The following TRAP1 variants were observed in gnomAD, a reference collection of about 807,000 sequenced individuals.
TRAP1 encodes TNF receptor associated protein 1, also known as heat shock protein 75 kDa, mitochondrial.
TRAP1 carries 102 observed loss-of-function variants against 89.1 expected under a neutral mutation model. That is an observed-to-expected ratio of 1.15 (90% CI 0.98 to 1.35). The LOEUF is 1.35. TRAP1 is among the 40% of genes most tolerant of loss of function. TRAP1 has a pLI of 0.00. For missense variants in TRAP1, 1,256 were observed against 945.3 expected (o/e 1.33, Z -4.31); for synonymous variants, 508 against 388.0 (o/e 1.31, Z -3.64).
At chr16:3,680,170 G>T in intron 4 of TRAP1, 1 of 198,686 alleles carries the variant, frequency 5.0e-6, no homozygotes. Flanking sequence ...AGGAGGCAGA[G>T]ACTGCAGTGA....
At chr16:3,666,764 G>A (rs1433615753) in intron 11 of TRAP1, among the ~76,000 whole-genome samples, 1 of 152,092 alleles carries the variant, frequency 6.6e-6, no homozygotes, top group African/African-American at 2.4e-5. Flanking sequence ...ACTGTAATTT[G>A]GGATTTATAC....
At chr16:3,673,083 AC>A (rs1294557604) in intron 9 of TRAP1, among the ~76,000 whole-genome samples, 1 of 152,024 alleles carries the variant, frequency 6.6e-6, no homozygotes, top group Non-Finnish European at 1.5e-5. Flanking sequence ...CCTTGCACGT[AC>A]CCCTGAACAC....
At chr16:3,664,685 G>A (rs2151243881) in intron 12 of TRAP1, 1 of 531,882 alleles carries the variant, frequency 1.9e-6, no homozygotes, top group Non-Finnish European at 3.3e-6. Flanking sequence ...CCTGCCCCAG[G>A]TGGCCCAGGG....
intron 1 of TRAP1, among the ~76,000 whole-genome samples, chr16:3,695,781 G>C (rs561764091): frequency 6.6e-6 from 1 of 152,114 alleles, no homozygotes; most frequent in Non-Finnish European, 1.5e-5. Context: ...TGTCCCCTGC[G>C]GAGTCAGCAG....
intron 1 of TRAP1, among the ~76,000 whole-genome samples, chr16:3,700,591 G>A (rs1596744909): frequency 6.6e-6 from 1 of 152,014 alleles, no homozygotes; most frequent in Non-Finnish European, 1.5e-5. Context: ...TCAGCCGCCC[G>A]AGTAGCTGGG....
rs536803506 is a variant in TRAP1 at position 3,661,178 on chromosome 16, C to CCTACAGAGAATG, written c.1940+797_1940+808dup. ...AATTCTTTAAAAATGGTACCAGAAC[C>CCTACAGAGAATG]CTACAGAGAATGTAAGGTACCAAAG... On this transcript the variant is annotated intron_variant, in intron 16 of 17. Transcript: ENST00000246957. 5.9e-5 allele frequency: 9 copies of CCTACAGAGAATG among 152,010 alleles called. No individual in the cohort carries two copies. In the East Asian group the frequency reaches 1.7e-3, roughly 29 times the overall value. 9.4% of individuals were successfully genotyped at this position (152,010 alleles called of 1,614,324 possible).
intron 1 of TRAP1, among the ~76,000 whole-genome samples, chr16:3,711,918 G>A (rs1039243874): frequency 6.6e-6 from 1 of 152,174 alleles, no homozygotes; most frequent in African/African-American, 2.4e-5. Context: ...CGCCATCCAT[G>A]AACATTCTCT....
In TRAP1 at chr16:3,665,868, C is replaced by G. The variant is rs1382127347; in HGVS notation, c.1383+103G>C. 3 of 1,427,804 alleles carry G rather than the reference C, an allele frequency of 2.1e-6. No homozygotes were observed. The East Asian group carries it at 7.2e-5, about 34-fold the overall frequency. 88.4% of individuals were successfully genotyped at this position (1,427,804 alleles called of 1,614,324 possible). ...GGCAGCAGCAGCAGCAGCCAGGGTACCCAGCTGCACCGTCGCCACATCAGG... is the reference window on the plus strand; with the variant it reads ...GGCAGCAGCAGCAGCAGCCAGGGTAGCCAGCTGCACCGTCGCCACATCAGG... On this transcript the variant is annotated intron_variant, in intron 12 of 17. Transcript: ENST00000246957.
At chr16:3,677,346 G>A (rs2051012323) in intron 6 of TRAP1, 152 bp downstream of exon 6, 1 of 1,071,284 alleles carries the variant, frequency 9.3e-7, no homozygotes, top group Admixed American at 2.4e-5. Context: ...AGCCACAAAA[G>A]TCACTAACTC....
intron 11 of TRAP1, among the ~76,000 whole-genome samples, chr16:3,666,640 C>G (rs2050835074): frequency 6.6e-6 from 1 of 151,940 alleles, no homozygotes; most frequent in Non-Finnish European, 1.5e-5. Context: ...CCAGAAAAAT[C>G]CCAATGTGGG....
chr16:3,677,904 C>G (rs2051021056), intron 5 of TRAP1: 1 of 474,298 alleles, frequency 2.1e-6, no homozygotes, highest in African/African-American at 2.0e-5. Context: ...AGCTCACAGT[C>G]CTGCCTGTCC....
chr16:3,685,702 T>C lies in TRAP1; in HGVS notation c.471+294A>G, dbSNP rs561313502. ...GAGTACATTAAAAATAAGATATGTT[T>C]AGATATGTTAATACCTGCATATACC... is the stretch of plus-strand genomic sequence containing the variant. On this transcript the variant is annotated intron_variant, in intron 4 of 17. Coordinates refer to ENST00000246957, the MANE Select transcript of TRAP1 (RefSeq NM_016292.3). Among the ~76,000 whole-genome samples, 17 of 152,336 alleles carry C rather than the reference T, an allele frequency of 1.1e-4. 1 individual carries two copies. The South Asian group carries it at 3.3e-3, about 30-fold the overall frequency.
chr16:3,710,890 T>TTTTTTTTTTTA (rs2051522145), intron 1 of TRAP1, among the ~76,000 whole-genome samples: 1 of 146,770 alleles, frequency 6.8e-6, no homozygotes, highest in Admixed American at 6.9e-5. Flanking sequence ...TTTTTTTTTT[T>TTTTTTTTTTTA]GAGACACTGT....
intron 12 of TRAP1, 132 bp from the exon 13 acceptor site, chr16:3,664,591 A>C: frequency 9.3e-6 from 9 of 963,858 alleles, no homozygotes; most frequent in Non-Finnish European, 1.4e-5. Flanking sequence ...GAGGGACGGT[A>C]GTGGACTCGG....
At chr16:3,686,585 G>T (rs1378973403) in intron 3 of TRAP1, among the ~76,000 whole-genome samples, 1 of 152,140 alleles carries the variant, frequency 6.6e-6, no homozygotes, top group Admixed American at 6.5e-5. Context: ...CCAAAGTGTT[G>T]GGATTACAGA....
At chr16:3,694,436 T>C (rs1441640976) in intron 1 of TRAP1, among the ~76,000 whole-genome samples, 2 of 152,012 alleles carry the variant, frequency 1.3e-5, no homozygotes, top group Non-Finnish European at 2.9e-5. Flanking sequence ...CTCTGCCTCC[T>C]GGGTTCAGGC....
At chr16:3,701,507 C>T (rs865935196) in intron 1 of TRAP1, among the ~76,000 whole-genome samples, 2 of 149,822 alleles carry the variant, frequency 1.3e-5, no homozygotes, top group Admixed American at 6.7e-5. Context: ...GCTGAGATCG[C>T]GCCCCTGCAC....
intron 1 of TRAP1, among the ~76,000 whole-genome samples, chr16:3,706,335 T>C (rs947576837): frequency 6.6e-5 from 10 of 152,014 alleles, no homozygotes; most frequent in Admixed American, 2.0e-4. Context: ...AGTGGCTGTT[T>C]ACAGGCACTG....
chr16:3,688,928 G>A, intron 3 of TRAP1, 127 bp downstream of exon 3: 1 of 777,704 alleles, frequency 1.3e-6, no homozygotes, highest in Middle Eastern at 2.5e-4. Flanking sequence ...TTAAGATGAG[G>A]ACCTGTCCAA....
Sources: gnomAD v4.1 joint callset for allele counts (sites outside exome capture counted in the v4.1 genomes callset) on GRCh38, gnomAD v4.1.1 for gene constraint, MANE v1.5 for transcripts, NCBI Gene and HGNC (gene_info 2026-07-23, HGNC 2026-07-21) for gene names.